OR8D1: variants seen among roughly 807,000 people sequenced by gnomAD.
OR8D1 encodes the protein olfactory receptor family 8 subfamily D member 1.
For missense variants in OR8D1, 384 were observed against 366.8 expected (o/e 1.05, Z -0.38); for synonymous variants, 143 against 147.0 (o/e 0.97, Z 0.20).
chr11:124,310,509 T>G lies in OR8D1; in HGVS notation c.258A>C (p.Leu86=). 3 of 1,613,732 alleles carry G rather than the reference T, an allele frequency of 1.9e-6. No individual in the cohort carries two copies. Among genetic ancestry groups the G allele is most frequent in the Non-Finnish European group, 2.5e-6 (3 of 1,179,882 alleles). The change falls in exon 3 of 3, where the codon CTA becomes CTC. Residue 86 remains leucine (L), a synonymous_variant. Coordinates refer to ENST00000641015, the MANE Select transcript of OR8D1 (RefSeq NM_001002917.2). ...VITPKMLVNF[L]GKKNTILYSE... is the part of the protein sequence containing the mutation. ...AGTAAAGGATTGTATTCTTCTTTCC[T>G]AGGAAGTTCACCAGCATTTTGGGAG...
At position 124,310,066 on chromosome 11, in the gene OR8D1, C is replaced by T. The variant is rs139899466; in HGVS notation, c.701G>A (p.Arg234Gln). 1.7e-5 allele frequency: 28 copies of T among 1,613,184 alleles called. No homozygotes were observed. Among genetic ancestry groups the T allele is most frequent in the East Asian group, 6.7e-5 (3 of 44,766 alleles). The change falls in exon 3 of 3, where the codon CGG becomes CAG. Residue 234 changes from arginine (R) to glutamine (Q), a missense_variant. Transcript: ENST00000641015. ...SILHIRSSEGRSKAFGTCSSH... is the reference protein window; with the variant it reads ...SILHIRSSEGQSKAFGTCSSH... ...GCTGCATGTTCCAAAAGCTTTGGAC[C>T]GGCCCTCTGAGGAGCGGATGTGAAG...
intron 2 of OR8D1, among the ~76,000 whole-genome samples, chr11:124,311,076 A>G (rs924114859): frequency 2.0e-5 from 3 of 152,158 alleles, no homozygotes; most frequent in Admixed American, 1.3e-4. Context: ...CTGATAGCCA[A>G]TTTGTCACAG....
chr11:124,310,823 T>C, intron 2 of OR8D1, 41 bp from the exon 3 acceptor site: 1 of 1,355,100 alleles, frequency 7.4e-7, no homozygotes, highest in Non-Finnish European at 1.0e-6. Context: ...ACATGGACCC[T>C]CACTGCTCTT....
Position 124,306,545 on chromosome 11 carries a change from A to G in OR8D1, c.*3295T>C, listed in dbSNP as rs1349540776. 6.6e-6 allele frequency: 1 copy of G among 151,398 alleles called. No individual in the cohort carries two copies. Among genetic ancestry groups the G allele is most frequent in the Non-Finnish European group, 1.5e-5 (1 of 67,748 alleles). The allele number at this position is 151,398 out of a possible 1,614,324, so 9.4% of individuals were successfully genotyped here. On this transcript the variant is annotated 3_prime_UTR_variant, in exon 3 of 3. Coordinates refer to ENST00000641015, the MANE Select transcript of OR8D1 (RefSeq NM_001002917.2). ...TCTTTTTCTCTTCTCCATTGTCCTT[A>G]TTTTCCCTTCTGTAGTAAGACAAAA...
rs1294681226 is a variant in OR8D1, at chr11:124,305,997, A to G, written c.*3843T>C. ...TTCACAAAATTATTTTAATGATACCATATTTATTCTACTGGATATCTGAAT... is the reference window on the plus strand; with the variant it reads ...TTCACAAAATTATTTTAATGATACCGTATTTATTCTACTGGATATCTGAAT... On this transcript the variant is annotated 3_prime_UTR_variant, in exon 3 of 3. Coordinates refer to ENST00000641015, the MANE Select transcript of OR8D1 (RefSeq NM_001002917.2). 1 of 151,912 alleles carries G rather than the reference A, an allele frequency of 6.6e-6. No homozygotes were observed. Among genetic ancestry groups the G allele is most frequent in the Non-Finnish European group, 1.5e-5 (1 of 67,882 alleles). The allele number at this position is 151,912 out of a possible 1,614,324, so 9.4% of individuals were successfully genotyped here. A position where few individuals can be genotyped will look rare whatever the true frequency, so the allele number is the denominator to read the frequency against.
chr11:124,310,128 A>G lies in OR8D1; in HGVS notation c.639T>C (p.Ala213=). 1 of 1,613,764 alleles carries G rather than the reference A, an allele frequency of 6.2e-7. No homozygotes were observed. Among genetic ancestry groups the G allele is most frequent in the Non-Finnish European group, 8.5e-7 (1 of 1,179,880 alleles). ...GGATGAAGGCATAGGAGACAGCAAC[A>G]GCTAGGGTGGGCACCAAGGTGTTAA... ...AGFNTLVPTL[A]VAVSYAFILY... The change falls in exon 3 of 3, where the codon GCT becomes GCC. Residue 213 remains alanine, a synonymous_variant. Transcript: ENST00000641015.
chr11:124,306,301 C>T lies in OR8D1; in HGVS notation c.*3539G>A. On this transcript the variant is annotated 3_prime_UTR_variant, in exon 3 of 3. Coordinates refer to ENST00000641015, the MANE Select transcript of OR8D1 (RefSeq NM_001002917.2). ...TTTATTAAAATATTATTTACCATTT[C>T]ACAGGTAAATAAGTATATGACTTAT... 1 of 150,232 alleles carries T rather than the reference C, an allele frequency of 6.7e-6. No individual in the cohort carries two copies. Among genetic ancestry groups the T allele is most frequent in the East Asian group, 2.0e-4 (1 of 5,128 alleles). 9.3% of individuals were successfully genotyped at this position (150,232 alleles called of 1,614,324 possible). A position where few individuals can be genotyped will look rare whatever the true frequency, so the allele number is the denominator to read the frequency against.
chr11:124,312,905 G>A (rs1245408466), intron 1 of OR8D1, among the ~76,000 whole-genome samples: 1 of 151,942 alleles, frequency 6.6e-6, no homozygotes, highest in Admixed American at 6.6e-5. Context: ...CAGGCGTGGT[G>A]CCTCATCCAT....
rs1862396226 is a variant in OR8D1 at position 124,309,371 on chromosome 11, C to A, written c.*469G>T. On this transcript the variant is annotated 3_prime_UTR_variant, in exon 3 of 3. Coordinates refer to ENST00000641015, the MANE Select transcript of OR8D1 (RefSeq NM_001002917.2). Reference sequence around the variant, plus strand: ...CTTTTCTTTTCTATTCTTTCCTTTTCTTTTCTTTTTTCTTTTCTTTTCTGT... The same window carrying A: ...CTTTTCTTTTCTATTCTTTCCTTTTATTTTCTTTTTTCTTTTCTTTTCTGT... 3 of 151,718 alleles carry A rather than the reference C, an allele frequency of 2.0e-5. No individual in the cohort carries two copies. Among genetic ancestry groups the A allele is most frequent in the Admixed American group, 2.0e-4 (3 of 15,204 alleles). 9.4% of individuals were successfully genotyped at this position (151,718 alleles called of 1,614,324 possible).
At position 124,310,366 on chromosome 11, in the gene OR8D1, G is replaced by T. The variant is rs767958666; in HGVS notation, c.401C>A (p.Ala134Glu). ...VAICSPLLYN[A>E]IMSSWVCSLL... ...TGAGCAGACCCATGAGGACATGATCGCATTATAAAGCAGTGGGCTACAGAT... is the reference window on the plus strand; with the variant it reads ...TGAGCAGACCCATGAGGACATGATCTCATTATAAAGCAGTGGGCTACAGAT... The change falls in exon 3 of 3, where the codon GCG becomes GAG. Residue 134 changes from alanine to glutamate, a missense_variant. Transcript: ENST00000641015. The T allele has an allele frequency of 5.6e-6, 9 of 1,613,424 alleles. No individual in the cohort carries two copies. The highest frequency in any genetic ancestry group is 4.5e-5 in the East Asian group (2 of 44,734).
rs1372923216 is a variant in OR8D1, at chr11:124,309,076, G to T, written c.*764C>A. The T allele has an allele frequency of 6.6e-6, 1 of 152,010 alleles. No homozygotes were observed. Among genetic ancestry groups the T allele is most frequent in the African/African-American group, 2.4e-5 (1 of 41,382 alleles). 9.4% of individuals were successfully genotyped at this position (152,010 alleles called of 1,614,324 possible). A position where few individuals can be genotyped will look rare whatever the true frequency, so the allele number is the denominator to read the frequency against. ...AGTTCTCCAACTGAAACAAATGTGG[G>T]GGTTATATCTTCCCTATGAGGAAGG... On this transcript the variant is annotated 3_prime_UTR_variant, in exon 3 of 3. Transcript: ENST00000641015.
rs1862347031 is a variant in OR8D1, at chr11:124,304,140, T to C, written c.*5700A>G. The stretch of plus-strand genomic sequence containing the variant: ...AGAGAAAACATGTCAGTCTCTAATG[T>C]AGGCCATTGCTATCACCTGAGAAAG... On this transcript the variant is annotated 3_prime_UTR_variant, in exon 3 of 3. Transcript: ENST00000641015. 1.3e-5 allele frequency: 2 copies of C among 152,048 alleles called. No individual in the cohort carries two copies. The highest frequency in any genetic ancestry group is 4.8e-5 in the African/African-American group (2 of 41,444). 9.4% of individuals were successfully genotyped at this position (152,048 alleles called of 1,614,324 possible).
chr11:124,311,200 T>A (rs1862418787), intron 2 of OR8D1, among the ~76,000 whole-genome samples: 1 of 152,132 alleles, frequency 6.6e-6, no homozygotes, highest in Admixed American at 6.6e-5. Context: ...AAGGAGAGGA[T>A]GACGCCTCAG....
chr11:124,312,804 A>C (rs1862434383), intron 1 of OR8D1, among the ~76,000 whole-genome samples: 1 of 151,738 alleles, frequency 6.6e-6, no homozygotes, highest in Non-Finnish European at 1.5e-5. Context: ...ATTTCTTTAG[A>C]TGGATGAGAA....
In OR8D1 at chr11:124,313,803, C is replaced by T. The variant is rs1195914163; in HGVS notation, c.-204G>A. On this transcript the variant is annotated 5_prime_UTR_variant, in exon 1 of 3. Transcript: ENST00000641015. ...GATCCCTGTAATAGCCAACAAAGAA[C>T]AAAGTCTTTCCCACTACCTTATACA... The T allele has an allele frequency of 6.6e-6, 1 of 152,170 alleles. No homozygotes were observed. Among genetic ancestry groups the T allele is most frequent in the Non-Finnish European group, 1.5e-5 (1 of 68,034 alleles). The allele number at this position is 152,170 out of a possible 1,614,324, so 9.4% of individuals were successfully genotyped here.
intron 1 of OR8D1, among the ~76,000 whole-genome samples, chr11:124,312,088 T>C (rs1862426688): frequency 6.6e-6 from 1 of 152,172 alleles, no homozygotes; most frequent in Non-Finnish European, 1.5e-5. Flanking sequence ...GTTTCAAAGG[T>C]AAAATGGTAA....
chr11:124,312,299 T>A (rs1457790338), intron 1 of OR8D1, among the ~76,000 whole-genome samples: 1 of 152,118 alleles, frequency 6.6e-6, no homozygotes, highest in African/African-American at 2.4e-5. Context: ...AAACATTTGG[T>A]GCTGGTTAGG....
Position 124,307,283 on chromosome 11 carries a change from A to G in OR8D1, c.*2557T>C, listed in dbSNP as rs1862376733. The G allele has an allele frequency of 1.3e-5, 2 of 152,116 alleles. No individual in the cohort carries two copies. The highest frequency in any genetic ancestry group is 4.8e-5 in the African/African-American group (2 of 41,436). The allele number at this position is 152,116 out of a possible 1,614,324, so 9.4% of individuals were successfully genotyped here. On this transcript the variant is annotated 3_prime_UTR_variant, in exon 3 of 3. Transcript: ENST00000641015. ...AGTGACATTTATTTTGCAATATTTTATAGTTTACAGTTTATGTGTAACTTT... is the reference window on the plus strand; with the variant it reads ...AGTGACATTTATTTTGCAATATTTTGTAGTTTACAGTTTATGTGTAACTTT...
rs901624237 is a variant in OR8D1 at position 124,307,356 on chromosome 11, A to G, written c.*2484T>C. ...CAGCTGTGGTTCCTGACCTCTGACA[A>G]TGTAAGATTTTAACTTCCACTGGTG... On this transcript the variant is annotated 3_prime_UTR_variant, in exon 3 of 3. Transcript: ENST00000641015. 1.1e-4 allele frequency: 17 copies of G among 152,222 alleles called. No individual in the cohort carries two copies. The highest frequency in any genetic ancestry group is 5.9e-4 in the Admixed American group (9 of 15,264). The allele number at this position is 152,222 out of a possible 1,614,324, so 9.4% of individuals were successfully genotyped here.
Sources: allele counts gnomAD v4.1 joint callset (sites outside exome capture counted in the v4.1 genomes callset), GRCh38; gene constraint gnomAD v4.1.1; transcripts MANE v1.5; gene names NCBI Gene and HGNC (gene_info 2026-07-23, HGNC 2026-07-21).